Variants in ATG5 observed in about 807,000 individuals in gnomAD.
ATG5 encodes the protein autophagy protein 5.
In ATG5, 14 loss-of-function variants were observed where a neutral mutation model predicts 36.5. The observed-to-expected ratio is 0.38, with a 90% confidence interval of 0.25 to 0.60. The LOEUF is 0.60. Ranked by LOEUF, ATG5 falls within the 20% of genes least tolerant of loss-of-function variation. The pLI is 0.60. For missense variants in ATG5, 195 were observed against 326.7 expected (o/e 0.60, Z 3.11); for synonymous variants, 95 against 101.5 (o/e 0.94, Z 0.38).
intron 2 of ATG5, among the ~76,000 whole-genome samples, chr6:106,313,046 A>G (rs529708542): frequency 6.6e-6 from 1 of 152,326 alleles, no homozygotes; most frequent in South Asian, 2.1e-4. Context: ...GAGCCAGCAG[A>G]TAAGAAGTTG....
At chr6:106,302,668 A>G (rs567392228) in intron 3 of ATG5, among the ~76,000 whole-genome samples, 1 of 152,192 alleles carries the variant, frequency 6.6e-6, no homozygotes, top group East Asian at 1.9e-4. Flanking sequence ...CAACAAATTT[A>G]AAAGATCCAA....
chr6:106,279,508 G>A (rs1172872231), intron 5 of ATG5, among the ~76,000 whole-genome samples, 153 bp downstream of exon 5: 1 of 152,212 alleles, frequency 6.6e-6, no homozygotes, highest in Non-Finnish European at 1.5e-5. Flanking sequence ...GAATGTAAGG[G>A]ATGACTAAAA....
intron 5 of ATG5, among the ~76,000 whole-genome samples, chr6:106,259,680 G>A (rs1239103942): frequency 1.3e-5 from 2 of 152,032 alleles, no homozygotes; most frequent in East Asian, 3.9e-4. Flanking sequence ...CAAAAAATAT[G>A]TAAAAGAGTT....
rs1263124589 is a variant in ATG5, at chr6:106,185,552, T to A, written c.*988A>T. On this transcript the variant is annotated 3_prime_UTR_variant, in exon 8 of 8. Transcript: ENST00000369076. ...AGGTAATCTTTAAACTTCAAAAGACTGGCTGCCAGGGACCACAGTGAAAAA... is the reference window on the plus strand; with the variant it reads ...AGGTAATCTTTAAACTTCAAAAGACAGGCTGCCAGGGACCACAGTGAAAAA... 1 of 152,312 alleles carries A rather than the reference T, an allele frequency of 6.6e-6. No homozygotes were observed. The highest frequency in any genetic ancestry group is 1.9e-4 in the East Asian group (1 of 5,342). The allele number at this position is 152,312 out of a possible 1,614,324, so 9.4% of individuals were successfully genotyped here.
At chr6:106,198,774 T>TG (rs1170840545) in intron 7 of ATG5, among the ~76,000 whole-genome samples, 30 of 114,864 alleles carry the variant, frequency 2.6e-4, no homozygotes, top group Non-Finnish European at 1.1e-4. Context: ...AGACCCTGTC[T>TG]GGGAAAAAAA....
At chr6:106,195,806 T>TC (rs1776155280) in intron 7 of ATG5, among the ~76,000 whole-genome samples, 8 of 69,750 alleles carry the variant, frequency 1.1e-4, no homozygotes, top group Non-Finnish European at 1.6e-4. Context: ...ACTGCTCCCC[T>TC]CTAAAAAAAA....
intron 6 of ATG5, among the ~76,000 whole-genome samples, chr6:106,228,610 A>T (rs1290935020): frequency 1.3e-5 from 2 of 152,098 alleles, no homozygotes. Flanking sequence ...CCATCTTCGG[A>T]GTTCTGGGAG....
At chr6:106,300,141 T>C (rs1376988994) in intron 3 of ATG5, among the ~76,000 whole-genome samples, 1 of 152,206 alleles carries the variant, frequency 6.6e-6, no homozygotes, top group East Asian at 1.9e-4. Context: ...AAAAATCTAG[T>C]TTACAGAATA....
At chr6:106,256,962 T>C (rs1018003825) in intron 5 of ATG5, among the ~76,000 whole-genome samples, 1 of 152,232 alleles carries the variant, frequency 6.6e-6, no homozygotes, top group African/African-American at 2.4e-5. Flanking sequence ...TAATAACACT[T>C]AGCTTAAAAC....
intron 1 of ATG5, among the ~76,000 whole-genome samples, chr6:106,322,599 G>A (rs1011851609): frequency 6.6e-6 from 1 of 151,686 alleles, no homozygotes; most frequent in African/African-American, 2.4e-5. Flanking sequence ...TTCTATCCAG[G>A]TACTGTGAAT....
intron 4 of ATG5, among the ~76,000 whole-genome samples, chr6:106,287,923 G>A (rs1417191317): frequency 6.6e-6 from 1 of 151,446 alleles, no homozygotes; most frequent in Admixed American, 6.6e-5. Flanking sequence ...ATGTTAAAAA[G>A]CAGCAAATCC....
chr6:106,221,268 G>A (rs1777236175), intron 6 of ATG5, among the ~76,000 whole-genome samples: 2 of 152,108 alleles, frequency 1.3e-5, no homozygotes, highest in South Asian at 4.1e-4. Context: ...TTTCTTCTAA[G>A]AGCTGTACAT....
intron 5 of ATG5, among the ~76,000 whole-genome samples, chr6:106,265,305 A>G (rs1029034197): frequency 1.3e-5 from 2 of 152,190 alleles, no homozygotes; most frequent in Admixed American, 1.3e-4. Flanking sequence ...AGAGCTAACT[A>G]TCCTAAATAT....
chr6:106,252,855 T>C (rs1562238449), intron 5 of ATG5, among the ~76,000 whole-genome samples: 1 of 152,194 alleles, frequency 6.6e-6, no homozygotes, highest in African/African-American at 2.4e-5. Flanking sequence ...GCATTTCAAA[T>C]AAATGTCGGA....
chr6:106,195,368 C>G (rs930486240), intron 7 of ATG5, among the ~76,000 whole-genome samples: 6 of 152,132 alleles, frequency 3.9e-5, no homozygotes, highest in African/African-American at 1.4e-4. Flanking sequence ...AAGTTGAATG[C>G]AGGTGTGTCA....
In ATG5 at chr6:106,212,491, T is replaced by C. The variant is rs552258347; in HGVS notation, c.574-10402A>G. ...CCGTCTCTAACAAAAATACAAAAAT[T>C]AGCCGGGCGCTGTGGCGGGTGCTTG... is the stretch of plus-strand genomic sequence containing the variant. On this transcript the variant is annotated intron_variant, in intron 6 of 7. Transcript: ENST00000369076. Among the ~76,000 whole-genome samples the C allele has an allele frequency of 2.0e-5, 3 of 152,242 alleles. No homozygotes were observed. The South Asian group carries it at 6.2e-4, about 32-fold the overall frequency.
At chr6:106,209,837 A>G (rs2114387834) in intron 6 of ATG5, among the ~76,000 whole-genome samples, 1 of 152,350 alleles carries the variant, frequency 6.6e-6, no homozygotes, top group East Asian at 1.9e-4. Flanking sequence ...ATCTGTAATT[A>G]TCTCAAAATA....
intron 5 of ATG5, 124 bp from the exon 6 acceptor site, chr6:106,248,368 C>CTTATTTTTTTTTTTATTTTTATTT: frequency 1.7e-6 from 1 of 582,254 alleles, no homozygotes; most frequent in Non-Finnish European, 2.9e-6. Context: ...CATATATTTT[C>CTTATTTTTTTTTTTATTTTTATTT]TTATTTTTAT....
chr6:106,311,039 T>C, intron 2 of ATG5, among the ~76,000 whole-genome samples: 1 of 152,196 alleles, frequency 6.6e-6, no homozygotes, highest in Non-Finnish European at 1.5e-5. Context: ...ATGGAATACT[T>C]ATGTTTCCAA....
Sources: gnomAD v4.1 joint callset for allele counts (sites outside exome capture counted in the v4.1 genomes callset) on GRCh38, gnomAD v4.1.1 for gene constraint, MANE v1.5 for transcripts, NCBI Gene and HGNC (gene_info 2026-07-23, HGNC 2026-07-21) for gene names.